Variants in NALF1 observed in about 807,000 individuals in gnomAD.
NALF1 encodes family with sequence similarity 155 member A.
Under a neutral mutation model 48.4 loss-of-function variants are expected in NALF1, and 3 were observed. The observed-to-expected ratio is 0.06, with a 90% CI of 0.03 to 0.16. The LOEUF (loss-of-function observed/expected upper bound fraction) is 0.16, where lower values mean the gene tolerates loss of function less well. Among genes scored for constraint, NALF1 ranks in the 10% least tolerant of loss-of-function variants. NALF1 has a pLI of 1.00. For synonymous variants in NALF1, 262 were observed against 245.7 expected (o/e 1.07, Z -0.62); for missense variants, 526 against 571.5 (o/e 0.92, Z 0.81).
chr13:107,600,233 G>C (rs1366128171), intron 1 of NALF1, among the ~76,000 whole-genome samples: 1 of 152,118 alleles, frequency 6.6e-6, no homozygotes, highest in African/African-American at 2.4e-5. Flanking sequence ...ATTTCATTAC[G>C]TTTATCTAGG....
At chr13:107,205,236 C>T (rs983142664) in intron 2 of NALF1, among the ~76,000 whole-genome samples, 2 of 151,952 alleles carry the variant, frequency 1.3e-5, no homozygotes, top group African/African-American at 4.8e-5. Context: ...CAATTCCCAC[C>T]TATGAGAACA....
chr13:107,271,637 A>C (rs947192996), intron 1 of NALF1, among the ~76,000 whole-genome samples: 1 of 151,778 alleles, frequency 6.6e-6, no homozygotes, highest in Non-Finnish European at 1.5e-5. Context: ...GTTTGTGATA[A>C]TTTGTTAGTC....
intron 2 of NALF1, among the ~76,000 whole-genome samples, chr13:107,174,072 A>G (rs1378737310): frequency 1.3e-5 from 2 of 151,976 alleles, no homozygotes; most frequent in Non-Finnish European, 2.9e-5. Context: ...TTTTATGGTT[A>G]CCATGTTTAT....
intron 1 of NALF1, among the ~76,000 whole-genome samples, chr13:107,393,148 T>C (rs1013773280): frequency 2.0e-5 from 3 of 152,206 alleles, no homozygotes; most frequent in Non-Finnish European, 4.4e-5. Context: ...CCACGCTAAC[T>C]AAATAATCTA....
At chr13:107,345,884 G>T (rs1482193775) in intron 1 of NALF1, among the ~76,000 whole-genome samples, 2 of 152,064 alleles carry the variant, frequency 1.3e-5, no homozygotes, top group Admixed American at 6.6e-5. Context: ...CTTACAAAAA[G>T]ATCTTGCAAC....
intron 1 of NALF1, among the ~76,000 whole-genome samples, chr13:107,682,095 G>C (rs981085182): frequency 3.3e-5 from 5 of 152,158 alleles, no homozygotes; most frequent in African/African-American, 1.2e-4. Flanking sequence ...CAAGTTACAA[G>C]GTTGAAATAT....
Position 107,316,557 on chromosome 13 carries a change from T to C in NALF1, c.916-105802A>G, listed in dbSNP as rs886283135. Among the ~76,000 whole-genome samples the C allele has an allele frequency of 2.2e-4, 33 of 152,116 alleles. No homozygotes were observed. The East Asian group carries it at 2.9e-3, about 13-fold the overall frequency. ...TATTTCTCCACATCCTCTCCAGCAC[T>C]TGTTGTTTCCTGACTTTTTAATGAT... On this transcript the variant is annotated intron_variant, in intron 1 of 2. Coordinates refer to ENST00000375915, the MANE Select transcript of NALF1 (RefSeq NM_001080396.3).
intron 1 of NALF1, among the ~76,000 whole-genome samples, chr13:107,621,112 C>T (rs1189751117): frequency 6.6e-6 from 1 of 152,050 alleles, no homozygotes; most frequent in African/African-American, 2.4e-5. Flanking sequence ...CAAGTAGTTC[C>T]GGATGAACTT....
rs1032697336 is a variant in NALF1, at chr13:107,542,390, T to C, written c.915+323292A>G. Among the ~76,000 whole-genome samples, 63 of 152,100 alleles carry C rather than the reference T, an allele frequency of 4.1e-4. 1 individual carries two copies. The highest frequency in any genetic ancestry group is 1.5e-3 in the African/African-American group (61 of 41,438). On this transcript the variant is annotated intron_variant, in intron 1 of 2. Transcript: ENST00000375915. ...AAGGAAACTGAGTTTCTCTTTGTAA[T>C]GAGAAAATGTTCAGAAATTGACTGT...
chr13:107,254,977 A>C (rs912172592), intron 1 of NALF1, among the ~76,000 whole-genome samples: 4 of 152,212 alleles, frequency 2.6e-5, no homozygotes, highest in Admixed American at 1.3e-4. Context: ...TTTATTTTTT[A>C]AACAATATAA....
chr13:107,649,982 T>C (rs911505467), intron 1 of NALF1, among the ~76,000 whole-genome samples: 2 of 152,152 alleles, frequency 1.3e-5, no homozygotes, highest in Non-Finnish European at 2.9e-5. Flanking sequence ...CAATAAATTA[T>C]AGAACTTAAA....
intron 1 of NALF1, among the ~76,000 whole-genome samples, chr13:107,358,433 G>A (rs953986560): frequency 1.3e-5 from 2 of 152,140 alleles, no homozygotes; most frequent in Non-Finnish European, 2.9e-5. Context: ...TAAATGCTCA[G>A]AAACAGACCC....
chr13:107,618,856 G>C (rs982344910), intron 1 of NALF1, among the ~76,000 whole-genome samples: 7 of 152,178 alleles, frequency 4.6e-5, no homozygotes, highest in Non-Finnish European at 1.0e-4. Flanking sequence ...TCACAGTTTG[G>C]AGATGGGCTA....
chr13:107,353,231 T>TA (rs1204712231), intron 1 of NALF1, among the ~76,000 whole-genome samples: 1 of 152,234 alleles, frequency 6.6e-6, no homozygotes, highest in Admixed American at 6.5e-5. Context: ...TGCACACTAA[T>TA]AAAATTGTAT....
At chr13:107,186,801 G>T (rs895930996) in intron 2 of NALF1, among the ~76,000 whole-genome samples, 1 of 152,156 alleles carries the variant, frequency 6.6e-6, no homozygotes, top group East Asian at 1.9e-4. Context: ...TTATCTCATA[G>T]TTCTGTAAGT....
chr13:107,563,436 T>G (rs1877703002), intron 1 of NALF1, among the ~76,000 whole-genome samples: 1 of 152,214 alleles, frequency 6.6e-6, no homozygotes, highest in Non-Finnish European at 1.5e-5. Context: ...ACTGAGAACT[T>G]GAGATGGGAA....
At chr13:107,802,321 C>G (rs1878644510) in intron 1 of NALF1, among the ~76,000 whole-genome samples, 2 of 152,092 alleles carry the variant, frequency 1.3e-5, no homozygotes, top group South Asian at 2.1e-4. Context: ...CGAAATTACT[C>G]CTTCCTAAAC....
intron 1 of NALF1, among the ~76,000 whole-genome samples, chr13:107,304,660 A>C (rs1019438708): frequency 2.5e-4 from 38 of 152,226 alleles, no homozygotes; most frequent in African/African-American, 8.2e-4. Context: ...ACTTAAGAGC[A>C]GGAGAAAAAC....
At chr13:107,578,037 A>T (rs1477194955) in intron 1 of NALF1, among the ~76,000 whole-genome samples, 2 of 152,112 alleles carry the variant, frequency 1.3e-5, no homozygotes, top group Non-Finnish European at 2.9e-5. Context: ...CAAGACCTGA[A>T]ATTCTACAGG....
Sources: allele counts gnomAD v4.1 joint callset (sites outside exome capture counted in the v4.1 genomes callset), GRCh38; gene constraint gnomAD v4.1.1; transcripts MANE v1.5; gene names NCBI Gene and HGNC (gene_info 2026-07-23, HGNC 2026-07-21).